RBM19: variants seen among roughly 807,000 people sequenced by gnomAD.
RBM19 encodes probable RNA-binding protein 19.
A neutral mutation model predicts 116.8 loss-of-function variants in RBM19; 94 were observed. The observed-to-expected ratio is 0.80, with a 90% CI of 0.68 to 0.95. The LOEUF (loss-of-function observed/expected upper bound fraction) is 0.95. Among genes scored for constraint, RBM19 ranks in the 40% least tolerant of loss-of-function variants. The probability of loss-of-function intolerance (pLI) is 0.00; values close to 1 mark genes in which losing one functional copy is unlikely to be tolerated. For missense variants in RBM19, 1,161 were observed against 1,220.7 expected, an observed-to-expected ratio of 0.95 and a Z score of 0.73; for synonymous variants, 475 against 494.1, an observed-to-expected ratio of 0.96 and a Z score of 0.51.
intron 22 of RBM19, among the ~76,000 whole-genome samples, chr12:113,846,438 C>T (rs776224324): frequency 3.9e-5 from 6 of 152,150 alleles, no homozygotes; most frequent in Non-Finnish European, 7.3e-5. Flanking sequence ...TAGGTAGCTG[C>T]AGATGTAATC....
intron 20 of RBM19, among the ~76,000 whole-genome samples, chr12:113,916,278 G>A (rs1442932269): frequency 6.6e-6 from 1 of 152,128 alleles, no homozygotes; most frequent in Non-Finnish European, 1.5e-5. Flanking sequence ...GTGGTGGCAG[G>A]CGCCTGTAAT....
intron 21 of RBM19, among the ~76,000 whole-genome samples, chr12:113,877,186 G>A (rs551513302): frequency 5.9e-5 from 9 of 152,352 alleles, no homozygotes; most frequent in Middle Eastern, 3.4e-3. Flanking sequence ...CAAGGTTTCC[G>A]TCAGGGAGAG....
intron 18 of RBM19, among the ~76,000 whole-genome samples, chr12:113,924,441 C>T (rs576643535): frequency 1.1e-4 from 17 of 152,168 alleles, no homozygotes; most frequent in Non-Finnish European, 1.6e-4. Context: ...CCACCCCTGA[C>T]AGTTTGAGGT....
At chr12:113,935,933 G>C (rs1348052101) in intron 16 of RBM19, among the ~76,000 whole-genome samples, 2 of 152,130 alleles carry the variant, frequency 1.3e-5, no homozygotes, top group African/African-American at 4.8e-5. Context: ...CTACTCGGGA[G>C]GCTGAGGCAG....
intron 21 of RBM19, among the ~76,000 whole-genome samples, chr12:113,871,979 G>A: frequency 6.6e-6 from 1 of 150,972 alleles, no homozygotes; most frequent in Non-Finnish European, 1.5e-5. Context: ...TCTCTGCCTG[G>A]CCGCCCATCG....
intron 23 of RBM19, among the ~76,000 whole-genome samples, chr12:113,833,152 C>T (rs4767139): frequency 0.85 from 128,679 of 152,160 alleles, 54,548 homozygotes; most frequent in East Asian, 0.99. Context: ...AGCCACCTGT[C>T]CTTCCCAGCT....
At chr12:113,957,745 C>T (rs1453659687) in intron 6 of RBM19, 37 bp downstream of exon 6, 2 of 1,531,360 alleles carry the variant, frequency 1.3e-6, no homozygotes, top group East Asian at 2.3e-5. Flanking sequence ...CAGGAGAGCG[C>T]ACCTCCTCCC....
chr12:113,841,295 G>C (rs1222123902), intron 23 of RBM19, among the ~76,000 whole-genome samples: 1 of 152,146 alleles, frequency 6.6e-6, no homozygotes, highest in Admixed American at 6.5e-5. Context: ...CATTCTCTCA[G>C]TTTCTGAAGG....
intron 1 of RBM19, 154 bp downstream of exon 1, chr12:113,966,038 A>T: frequency 1.3e-6 from 1 of 799,374 alleles, no homozygotes; most frequent in Non-Finnish European, 2.0e-6. Flanking sequence ...TCAAATGGGG[A>T]TAAGCCCAGG....
In RBM19 at chr12:113,825,314, G is replaced by GA. The variant is rs1874762490; in HGVS notation, c.2786-1994dup. Among the ~76,000 whole-genome samples, 1 of 141,154 alleles carries GA rather than the reference G, an allele frequency of 7.1e-6. No individual in the cohort carries two copies. Among genetic ancestry groups the GA allele is most frequent in the African/African-American group, 2.5e-5 (1 of 39,222 alleles). The allele number at this position is 141,154 out of a possible 152,430, so 92.6% of individuals were successfully genotyped here. A position where few individuals can be genotyped will look rare whatever the true frequency, so the allele number is the denominator to read the frequency against. ...AGCTCTACCCATCATTGTTAATCAT[G>GA]AAAAGGGAGAGGGGGACAGGGTGGG... On this transcript the variant is annotated intron_variant, in intron 23 of 23. Coordinates refer to ENST00000261741, the MANE Select transcript of RBM19 (RefSeq NM_016196.4). The surrounding 1 kb of genome is among the most constrained non-coding windows in gnomAD (Gnocchi z 5.7).
chr12:113,871,475 C>T (rs1370318207), intron 21 of RBM19, among the ~76,000 whole-genome samples: 1 of 151,922 alleles, frequency 6.6e-6, no homozygotes, highest in Non-Finnish European at 1.5e-5. Context: ...GTCAGACAGT[C>T]AATAATTTTA....
At chr12:113,862,962 C>A (rs531136201) in intron 21 of RBM19, among the ~76,000 whole-genome samples, 16 of 152,138 alleles carry the variant, frequency 1.1e-4, no homozygotes, top group Admixed American at 2.0e-4. Context: ...GCAGCCCCAC[C>A]CCCTCTGCCA....
At chr12:113,911,048 T>TGG (rs2135845674) in intron 21 of RBM19, among the ~76,000 whole-genome samples, 1 of 79,768 alleles carries the variant, frequency 1.3e-5, no homozygotes, top group Admixed American at 1.4e-4. Flanking sequence ...CCAGATGGGG[T>TGG]GGCGGTGGGG....
intron 12 of RBM19, 41 bp downstream of exon 12, chr12:113,946,313 G>A (rs1226453226): frequency 6.2e-7 from 1 of 1,613,740 alleles, no homozygotes; most frequent in African/African-American, 1.3e-5. Flanking sequence ...GGTGGCAGAG[G>A]GTTGGGGTTG....
intron 2 of RBM19, among the ~76,000 whole-genome samples, chr12:113,961,158 G>C (rs2135944055): frequency 6.6e-6 from 1 of 152,182 alleles, no homozygotes; most frequent in East Asian, 1.9e-4. Context: ...GAATACCTAG[G>C]ACTCCAGGCA....
At chr12:113,928,840 T>C (rs1355950376) in intron 16 of RBM19, among the ~76,000 whole-genome samples, 1 of 152,010 alleles carries the variant, frequency 6.6e-6, no homozygotes, top group Non-Finnish European at 1.5e-5. Flanking sequence ...CTCCCCAATT[T>C]CCCTAAGTCA....
At chr12:113,924,783 T>G (rs753142896) in intron 17 of RBM19, 26 bp from the exon 18 acceptor site, 70 of 1,523,262 alleles carry the variant, frequency 4.6e-5, no homozygotes, top group Middle Eastern at 1.7e-4. Flanking sequence ...ACAAGTATCA[T>G]CAGCAGCTCT....
At chr12:113,819,674 G>C (rs1874290999), downstream of RBM19, among the ~76,000 whole-genome samples, 1 of 152,198 alleles carries the variant, frequency 6.6e-6, no homozygotes, top group Admixed American at 6.5e-5. Flanking sequence ...CCCAGTGACA[G>C]CGGTGACTCA....
chr12:113,836,469 A>G (rs374852828), intron 23 of RBM19, among the ~76,000 whole-genome samples: 41 of 152,222 alleles, frequency 2.7e-4, no homozygotes, highest in African/African-American at 9.9e-4. Flanking sequence ...ATACAGGGAC[A>G]ATGGATAAAA....
Sources: gnomAD v4.1 joint callset for allele counts (sites outside exome capture counted in the v4.1 genomes callset) on GRCh38, gnomAD v4.1.1 for gene constraint, Gnocchi (gnomAD v3.1) non-coding constraint, MANE v1.5 for transcripts, NCBI Gene and HGNC (gene_info 2026-07-23, HGNC 2026-07-21) for gene names.